The following CDH12 variants were observed in gnomAD, a reference collection of about 807,000 sequenced individuals.
CDH12 encodes cadherin 12, also known as cadherin-12.
Under a neutral mutation model 74.1 loss-of-function variants are expected in CDH12, and 41 were observed. The observed-to-expected ratio is 0.55, with a 90% confidence interval of 0.43 to 0.72. The LOEUF is 0.72. CDH12 is among the 30% of genes least tolerant of loss of function. The pLI is 0.00. For synonymous variants in CDH12, 399 were observed against 355.0 expected (o/e 1.12, Z -1.39); for missense variants, 945 against 977.2 (o/e 0.97, Z 0.44).
chr5:21,928,004 G>A (rs753523468), intron 6 of CDH12, among the ~76,000 whole-genome samples: 6 of 151,946 alleles, frequency 3.9e-5, no homozygotes, highest in Non-Finnish European at 7.4e-5. Context: ...CCCGGGAGGC[G>A]GAGCTTGCAA....
At chr5:21,808,072 G>A (rs998339363) in intron 9 of CDH12, among the ~76,000 whole-genome samples, 21 of 152,010 alleles carry the variant, frequency 1.4e-4, no homozygotes, top group Non-Finnish European at 2.1e-4. Flanking sequence ...GATATTTGGC[G>A]AGAGCTAACA....
chr5:22,835,909 G>T (rs1736797207), intron 1 of CDH12, among the ~76,000 whole-genome samples: 1 of 152,108 alleles, frequency 6.6e-6, no homozygotes, highest in South Asian at 2.1e-4. Flanking sequence ...TTGTCCTACT[G>T]TGTCATTTTC....
chr5:22,455,046 T>C (rs546715400), intron 2 of CDH12, among the ~76,000 whole-genome samples: 13 of 152,294 alleles, frequency 8.5e-5, no homozygotes, highest in African/African-American at 1.2e-4. Context: ...AGTGAGGATA[T>C]GGAAACTTTT....
At chr5:22,710,060 C>A (rs750160971) in intron 1 of CDH12, among the ~76,000 whole-genome samples, 2 of 152,122 alleles carry the variant, frequency 1.3e-5, no homozygotes, top group Admixed American at 1.3e-4. Flanking sequence ...AAACAAAATC[C>A]TTGCTTTATT....
intron 11 of CDH12, among the ~76,000 whole-genome samples, chr5:21,781,610 G>A (rs549577732): frequency 2.0e-5 from 3 of 152,090 alleles, no homozygotes; most frequent in Middle Eastern, 3.4e-3. Context: ...TGTGATACCA[G>A]CTACTCGGTG....
intron 4 of CDH12, chr5:22,141,126 C>T (rs1746765322): frequency 6.6e-6 from 1 of 152,164 alleles, no homozygotes; most frequent in South Asian, 2.1e-4. Context: ...GGGTAGCTTA[C>T]AGTGCTCAAC....
At chr5:21,761,282 T>A (rs1258754257) in intron 12 of CDH12, among the ~76,000 whole-genome samples, 1 of 152,154 alleles carries the variant, frequency 6.6e-6, no homozygotes, top group African/African-American at 2.4e-5. Flanking sequence ...ACGTTGTGTA[T>A]CTTACAGTTA....
At chr5:22,192,749 A>G (rs1255885796) in intron 4 of CDH12, among the ~76,000 whole-genome samples, 2 of 152,226 alleles carry the variant, frequency 1.3e-5, no homozygotes, top group African/African-American at 4.8e-5. Context: ...CACTTTGTAG[A>G]TAACAGAGAG....
At chr5:22,300,807 G>A (rs1405431209) in intron 3 of CDH12, among the ~76,000 whole-genome samples, 2 of 152,084 alleles carry the variant, frequency 1.3e-5, no homozygotes, top group Non-Finnish European at 2.9e-5. Context: ...TTGTTCTGAT[G>A]TACAGAGCTA....
chr5:22,572,765 A>G (rs905730183), intron 1 of CDH12, among the ~76,000 whole-genome samples: 24 of 152,192 alleles, frequency 1.6e-4, no homozygotes, highest in African/African-American at 5.5e-4. Flanking sequence ...TTATTCTGAA[A>G]GAACAAAAGT....
Position 22,091,904 on chromosome 5 carries a change from T to C in CDH12, c.-186-13042A>G, listed in dbSNP as rs944291939. On this transcript the variant is annotated intron_variant, in intron 4 of 14. Coordinates refer to ENST00000382254, the MANE Select transcript of CDH12 (RefSeq NM_004061.5). ...AGAGATCCTAAAATAAATGGGTCCA[T>C]CCTGAGTGAATTTTTGCATATGGTG... 3.9e-5 allele frequency among the ~76,000 whole-genome samples: 6 copies of C among 151,906 alleles called. No homozygotes were observed. The East Asian group carries it at 1.2e-3, about 30-fold the overall frequency.
intron 3 of CDH12, among the ~76,000 whole-genome samples, chr5:22,364,906 T>C (rs1288255829): frequency 6.6e-6 from 1 of 152,142 alleles, no homozygotes; most frequent in Non-Finnish European, 1.5e-5. Context: ...AAAATTGTGT[T>C]GACACTGACA....
chr5:22,314,224 G>C (rs1433387297), intron 3 of CDH12, among the ~76,000 whole-genome samples: 1 of 152,002 alleles, frequency 6.6e-6, no homozygotes, highest in African/African-American at 2.4e-5. Flanking sequence ...GAGTAGTCAG[G>C]GTTTTTAAAA....
intron 1 of CDH12, among the ~76,000 whole-genome samples, chr5:22,513,437 C>T (rs1275990909): frequency 6.6e-6 from 1 of 152,106 alleles, no homozygotes; most frequent in Non-Finnish European, 1.5e-5. Flanking sequence ...TTAGTGTCTC[C>T]CAGCTTTCAC....
chr5:22,662,798 G>A (rs1024132814), intron 1 of CDH12, among the ~76,000 whole-genome samples: 1 of 152,138 alleles, frequency 6.6e-6, no homozygotes, highest in Non-Finnish European at 1.5e-5. Flanking sequence ...CAAGTGGCTT[G>A]CTGGGCAAAG....
chr5:22,480,095 A>AT (rs562627103), intron 2 of CDH12, among the ~76,000 whole-genome samples: 88 of 152,198 alleles, frequency 5.8e-4, no homozygotes, highest in African/African-American at 2.0e-3. Context: ...ATCAACTAGA[A>AT]TTTTCTCATA....
At chr5:22,171,689 G>A (rs1482049231) in intron 4 of CDH12, among the ~76,000 whole-genome samples, 1 of 151,974 alleles carries the variant, frequency 6.6e-6, no homozygotes, top group African/African-American at 2.4e-5. Context: ...CTAGTAAGTG[G>A]TAGGGTCAGA....
At chr5:22,602,240 G>A (rs1038751337) in intron 1 of CDH12, among the ~76,000 whole-genome samples, 13 of 152,000 alleles carry the variant, frequency 8.6e-5, no homozygotes, top group African/African-American at 3.1e-4. Context: ...TAAATGCCAC[G>A]GAGTTTTATT....
chr5:21,781,208 C>A (rs1745888576), intron 11 of CDH12, among the ~76,000 whole-genome samples: 1 of 152,058 alleles, frequency 6.6e-6, no homozygotes, highest in Non-Finnish European at 1.5e-5. Context: ...GAGAAAGGAG[C>A]TAAAATTGAG....
Sources: allele counts gnomAD v4.1 joint callset (sites outside exome capture counted in the v4.1 genomes callset), GRCh38; gene constraint gnomAD v4.1.1; transcripts MANE v1.5; gene names NCBI Gene and HGNC (gene_info 2026-07-23, HGNC 2026-07-21).